Variants in STARD3NL observed in about 807,000 individuals in gnomAD.
The protein encoded by STARD3NL is STARD3 N-terminal like.
A neutral mutation model predicts 30.9 loss-of-function variants in STARD3NL; 17 were observed. The ratio of observed to expected loss-of-function variants is 0.55; its 90% CI spans 0.38 to 0.82. The LOEUF is 0.82. STARD3NL is among the 40% of genes least tolerant of loss of function. STARD3NL has a pLI of 0.00. For missense variants in STARD3NL, 234 were observed against 277.6 expected (o/e 0.84, Z 1.12); for synonymous variants, 112 against 100.5 (o/e 1.11, Z -0.69).
chr7:38,179,301 G>A (rs1392182407), intron 1 of STARD3NL, among the ~76,000 whole-genome samples: 1 of 152,076 alleles, frequency 6.6e-6, no homozygotes, highest in Non-Finnish European at 1.5e-5. Flanking sequence ...AACGACTTAT[G>A]GTATCCTTGT....
At chr7:38,228,607 G>A (rs1167071914) in intron 7 of STARD3NL, among the ~76,000 whole-genome samples, 192 bp from the exon 8 acceptor site, 2 of 152,162 alleles carry the variant, frequency 1.3e-5, no homozygotes, top group Non-Finnish European at 2.9e-5. Context: ...ATAGATTATT[G>A]TTTAAAGGTT....
chr7:38,210,113 T>C (rs1785714061), intron 2 of STARD3NL, among the ~76,000 whole-genome samples: 1 of 152,226 alleles, frequency 6.6e-6, no homozygotes, highest in Non-Finnish European at 1.5e-5. Context: ...TTTTGCTTTG[T>C]TGTCTCTCTG....
chr7:38,193,365 C>T (rs1038573342), intron 1 of STARD3NL, among the ~76,000 whole-genome samples: 1 of 152,020 alleles, frequency 6.6e-6, no homozygotes, highest in African/African-American at 2.4e-5. Flanking sequence ...GTGGTGCGAT[C>T]TCGGCTCACT....
At chr7:38,219,683 G>T (rs998586616) in intron 7 of STARD3NL, 23 bp downstream of exon 7, 31 of 1,590,042 alleles carry the variant, frequency 1.9e-5, no homozygotes, top group African/African-American at 6.7e-5. Context: ...ATTATTATTT[G>T]TGCTTGTATC....
At chr7:38,225,567 C>G (rs1179642419) in intron 7 of STARD3NL, among the ~76,000 whole-genome samples, 4 of 142,742 alleles carry the variant, frequency 2.8e-5, no homozygotes, top group African/African-American at 1.0e-4. Context: ...CTCAGTTGAA[C>G]AGCACAAGTT....
chr7:38,189,899 A>G (rs757990458), intron 1 of STARD3NL, among the ~76,000 whole-genome samples: 3 of 152,210 alleles, frequency 2.0e-5, no homozygotes, highest in Non-Finnish European at 4.4e-5. Flanking sequence ...CAAAATTCAT[A>G]TGCATTCTGT....
At chr7:38,223,441 T>C (rs1786578644) in intron 7 of STARD3NL, among the ~76,000 whole-genome samples, 1 of 152,164 alleles carries the variant, frequency 6.6e-6, no homozygotes, top group Non-Finnish European at 1.5e-5. Context: ...AGGGTAATTT[T>C]TCACTTCCTA....
intron 2 of STARD3NL, among the ~76,000 whole-genome samples, chr7:38,210,761 T>C (rs1166621477): frequency 6.6e-6 from 1 of 152,208 alleles, no homozygotes; most frequent in Admixed American, 6.5e-5. Flanking sequence ...TTGGTTTTCT[T>C]TTTAGCTTTT....
chr7:38,215,678 T>C (rs1786065646), intron 4 of STARD3NL: 1 of 152,462 alleles, frequency 6.6e-6, no homozygotes, highest in South Asian at 2.1e-4. Flanking sequence ...TTGATAGAAT[T>C]ACTAGCAGTT....
intron 1 of STARD3NL, among the ~76,000 whole-genome samples, chr7:38,195,301 T>C (rs1784854627): frequency 6.6e-6 from 1 of 152,168 alleles, no homozygotes; most frequent in African/African-American, 2.4e-5. Context: ...TGTGATCCAC[T>C]TGCCTCGGCC....
chr7:38,227,128 T>G (rs927130395), intron 7 of STARD3NL, among the ~76,000 whole-genome samples: 2 of 152,240 alleles, frequency 1.3e-5, no homozygotes, highest in African/African-American at 4.8e-5. Context: ...GAAGTCTCTT[T>G]TAAAATATGT....
intron 2 of STARD3NL, among the ~76,000 whole-genome samples, chr7:38,214,089 T>G (rs768550485): frequency 5.3e-5 from 8 of 152,262 alleles, no homozygotes; most frequent in Non-Finnish European, 1.0e-4. Flanking sequence ...AATAATTTTC[T>G]TAACATTTTA....
intron 1 of STARD3NL, among the ~76,000 whole-genome samples, chr7:38,203,805 C>CA (rs1253687847): frequency 2.0e-5 from 3 of 151,526 alleles, no homozygotes; most frequent in African/African-American, 7.3e-5. Flanking sequence ...AAATGGAAAA[C>CA]AAAAAAAGGC....
Position 38,217,324 on chromosome 7 carries a change from C to T in STARD3NL, c.553+19C>T. On this transcript the variant is annotated intron_variant, in intron 6 of 8. Transcript: ENST00000009041. ...GAAAACAGTAAGTTCCTCTCAAAGT[C>T]AGCCTCCTGAGGCGGACTGGATACC... 1 of 1,611,446 alleles carries T rather than the reference C, an allele frequency of 6.2e-7. No individual in the cohort carries two copies. The highest frequency in any genetic ancestry group is 8.5e-7 in the Non-Finnish European group (1 of 1,178,266).
intron 1 of STARD3NL, among the ~76,000 whole-genome samples, chr7:38,204,452 A>G (rs1204751058): frequency 6.6e-6 from 1 of 152,248 alleles, no homozygotes; most frequent in Non-Finnish European, 1.5e-5. Flanking sequence ...ACAAAGACAC[A>G]ACATACCAGA....
chr7:38,189,665 A>G (rs1295302941), intron 1 of STARD3NL, among the ~76,000 whole-genome samples: 1 of 152,252 alleles, frequency 6.6e-6, no homozygotes, highest in African/African-American at 2.4e-5. Flanking sequence ...ATTTTCAGTT[A>G]TATAAGTGAC....
At chr7:38,225,705 T>C (rs757807844) in intron 7 of STARD3NL, among the ~76,000 whole-genome samples, 6 of 152,180 alleles carry the variant, frequency 3.9e-5, no homozygotes, top group African/African-American at 1.2e-4. Flanking sequence ...TGAATACTTA[T>C]ATGATTGATT....
intron 1 of STARD3NL, among the ~76,000 whole-genome samples, chr7:38,198,755 T>A (rs963243860): frequency 6.6e-6 from 1 of 152,136 alleles, no homozygotes; most frequent in Non-Finnish European, 1.5e-5. Context: ...GGGGCTCCTG[T>A]AAAATGCAAG....
At chr7:38,202,527 T>C (rs958829552) in intron 1 of STARD3NL, among the ~76,000 whole-genome samples, 2 of 152,214 alleles carry the variant, frequency 1.3e-5, no homozygotes, top group Non-Finnish European at 2.9e-5. Flanking sequence ...AGAGAATCAT[T>C]GGTAATATCT....
Sources: gnomAD v4.1 joint callset for allele counts (sites outside exome capture counted in the v4.1 genomes callset) on GRCh38, gnomAD v4.1.1 for gene constraint, MANE v1.5 for transcripts, NCBI Gene and HGNC (gene_info 2026-07-23, HGNC 2026-07-21) for gene names.